CHAF1B: variants seen among roughly 807,000 people sequenced by gnomAD.
CHAF1B encodes chromatin assembly factor 1 subunit B.
Under a neutral mutation model 60.7 loss-of-function variants are expected in CHAF1B, and 10 were observed. The ratio of observed to expected loss-of-function variants is 0.16; its 90% CI spans 0.10 to 0.28. CHAF1B has a LOEUF of 0.28. Ranked by LOEUF, CHAF1B falls within the 10% of genes least tolerant of loss-of-function variation. The pLI is 1.00. For synonymous variants in CHAF1B, 261 were observed against 266.1 expected (o/e 0.98, Z 0.19); for missense variants, 558 against 708.4 (o/e 0.79, Z 2.41).
At chr21:36,392,038 G>A (rs918437082) in intron 4 of CHAF1B, among the ~76,000 whole-genome samples, 7 of 147,216 alleles carry the variant, frequency 4.8e-5, no homozygotes, top group African/African-American at 1.8e-4. Context: ...AAGTGAACAA[G>A]GGTCTCTGGT....
In CHAF1B at chr21:36,391,612, G is replaced by A; in HGVS notation, c.321G>A (p.Gln107=). Residue 107 remains glutamine (Q), a synonymous_variant, in exon 4 of 14, where the codon CAG becomes CAA. Coordinates refer to ENST00000314103, the MANE Select transcript of CHAF1B (RefSeq NM_005441.3). The part of the protein sequence containing the change: ...DNKEPEQIAF[Q]DEDEAQLNKE... ...AGGAGCCGGAGCAGATCGCTTTTCA[G>A]GATGAGGACGAGGCCCAGCTGAACA... 1 of 1,613,784 alleles carries A rather than the reference G, an allele frequency of 6.2e-7. No homozygotes were observed. The highest frequency in any genetic ancestry group is 8.5e-7 in the Non-Finnish European group (1 of 1,179,816).
At position 36,416,345 on chromosome 21, in the gene CHAF1B, C is replaced by T. The variant is rs754096788; in HGVS notation, c.1659C>T (p.Gly553=). The change falls in exon 14 of 14, where the codon GGC becomes GGT. Residue 553 remains glycine, a synonymous_variant. Transcript: ENST00000314103. The part of the protein sequence containing the change: ...KRPRLDENKG[G]TESLDP ...CCAGACTCGATGAAAACAAAGGAGGCACGGAAAGTCTGGACCCTTGATGGG... is the reference window on the plus strand; with the variant it reads ...CCAGACTCGATGAAAACAAAGGAGGTACGGAAAGTCTGGACCCTTGATGGG... 6.2e-7 allele frequency: 1 copy of T among 1,614,012 alleles called. No individual in the cohort carries two copies. The highest frequency in any genetic ancestry group is 2.2e-5 in the East Asian group (1 of 44,872).
Position 36,391,474 on chromosome 21 carries a change from AAAAAAAT to A in CHAF1B, c.260-76_260-70del, listed in dbSNP as rs1351895360. 154 of 997,074 alleles carry A rather than the reference AAAAAAAT, an allele frequency of 1.5e-4. 1 individual carries two copies. In the African/African-American group the frequency reaches 1.9e-3, roughly 13 times the overall value. 61.8% of individuals were successfully genotyped at this position (997,074 alleles called of 1,614,324 possible). ...GTGAGACTCCGTCTCAAAAAAAAAA[AAAAAAAT>A]GAAAATAAAAATCCTAATATGAAGG... On this transcript the variant is annotated intron_variant, in intron 3 of 13. Coordinates refer to ENST00000314103, the MANE Select transcript of CHAF1B (RefSeq NM_005441.3).
chr21:36,390,219 G>T (rs968033274), intron 3 of CHAF1B, among the ~76,000 whole-genome samples: 1 of 151,630 alleles, frequency 6.6e-6, no homozygotes. Flanking sequence ...TGTAGTCCCA[G>T]CTATTCGGGA....
chr21:36,392,759 C>T (rs1156387414), intron 4 of CHAF1B, among the ~76,000 whole-genome samples: 1 of 151,898 alleles, frequency 6.6e-6, no homozygotes, highest in Non-Finnish European at 1.5e-5. Flanking sequence ...CTCCCCACAT[C>T]TCAGACGATG....
intron 8 of CHAF1B, among the ~76,000 whole-genome samples, chr21:36,406,527 C>A (rs2086239423): frequency 6.6e-6 from 1 of 151,790 alleles, no homozygotes; most frequent in Admixed American, 6.6e-5. Flanking sequence ...CTCAGGTGAT[C>A]CACCCGCCTC....
chr21:36,415,843 C>G, intron 13 of CHAF1B: 1 of 367,530 alleles, frequency 2.7e-6, no homozygotes, highest in South Asian at 2.1e-5. Flanking sequence ...GCCTCCACCT[C>G]CCACGTTCAA....
intron 11 of CHAF1B, 136 bp downstream of exon 11, chr21:36,411,740 T>G: frequency 9.5e-7 from 1 of 1,055,500 alleles, no homozygotes; most frequent in Non-Finnish European, 1.4e-6. Flanking sequence ...TTCTTATTTA[T>G]TTTTTTGAGA....
rs139892744 is a variant in CHAF1B at position 36,407,359 on chromosome 21, G to A, written c.758-1402G>A. 2.0e-5 allele frequency among the ~76,000 whole-genome samples: 3 copies of A among 151,608 alleles called. No individual in the cohort carries two copies. In the East Asian group the frequency reaches 5.8e-4, roughly 29 times the overall value. ...GCTTATTGCAAGCATTGTTTATAGT[G>A]GTAAAAAACCAAAAGCCAAAAAAAT... On this transcript the variant is annotated intron_variant, in intron 8 of 13. Transcript: ENST00000314103.
At chr21:36,391,366 A>G (rs2086084757) in intron 3 of CHAF1B, among the ~76,000 whole-genome samples, 185 bp from the exon 4 acceptor site, 1 of 151,638 alleles carries the variant, frequency 6.6e-6, no homozygotes, top group African/African-American at 2.4e-5. Flanking sequence ...TTTTTAGTAG[A>G]GACAGTTAGC....
intron 4 of CHAF1B, 133 bp downstream of exon 4, chr21:36,391,801 T>C: frequency 1.8e-6 from 1 of 563,444 alleles, no homozygotes; most frequent in Non-Finnish European, 3.2e-6. Flanking sequence ...TGCTGTACTG[T>C]GATCACAGTA....
At chr21:36,404,103 T>G (rs1359542011) in intron 8 of CHAF1B, among the ~76,000 whole-genome samples, 1 of 151,070 alleles carries the variant, frequency 6.6e-6, no homozygotes, top group Non-Finnish European at 1.5e-5. Context: ...ATCCTTTTTT[T>G]TTTTTTTTTT....
rs1235805384 is a variant in CHAF1B at position 36,417,127 on chromosome 21, A to C, written c.*761A>C. 6.6e-6 allele frequency: 1 copy of C among 152,068 alleles called. No homozygotes were observed. Among genetic ancestry groups the C allele is most frequent in the Admixed American group, 6.6e-5 (1 of 15,248 alleles). 9.4% of individuals were successfully genotyped at this position (152,068 alleles called of 1,614,324 possible). ...TGCTCTGTTGCCCAGGCTGGAGTGC[A>C]GTGGCGCTATCTCAGCTCACTGCAG... On this transcript the variant is annotated 3_prime_UTR_variant, in exon 14 of 14. Coordinates refer to ENST00000314103, the MANE Select transcript of CHAF1B (RefSeq NM_005441.3).
Position 36,416,408 on chromosome 21 carries a change from G to A in CHAF1B, c.*42G>A. ...GCTCGAAGCCTACCAGGCTCCCGGT[G>A]TGTGCAGGGAGACGGTAAAGCTGGA... On this transcript the variant is annotated 3_prime_UTR_variant, in exon 14 of 14. Coordinates refer to ENST00000314103, the MANE Select transcript of CHAF1B (RefSeq NM_005441.3). 6.5e-7 allele frequency: 1 copy of A among 1,543,752 alleles called. No individual in the cohort carries two copies. Among genetic ancestry groups the A allele is most frequent in the Non-Finnish European group, 8.9e-7 (1 of 1,123,056 alleles).
intron 10 of CHAF1B, among the ~76,000 whole-genome samples, chr21:36,410,545 T>C (rs1166828321): frequency 6.6e-6 from 1 of 152,198 alleles, no homozygotes; most frequent in African/African-American, 2.4e-5. Context: ...CCCTTTCTTC[T>C]GCATGCTCTG....
chr21:36,411,374 A>G, intron 10 of CHAF1B, 89 bp from the exon 11 acceptor site: 1 of 1,535,050 alleles, frequency 6.5e-7, no homozygotes, highest in Non-Finnish European at 8.9e-7. Flanking sequence ...TCGGCCTCCC[A>G]AAGTGCTGGG....
chr21:36,409,115 A>G (rs1326618249), intron 9 of CHAF1B, among the ~76,000 whole-genome samples: 1 of 151,230 alleles, frequency 6.6e-6, no homozygotes, highest in African/African-American at 2.4e-5. Context: ...TCGGCCTCCC[A>G]AAGTGCTGGG....
At chr21:36,397,717 ATCTT>A in intron 6 of CHAF1B, 9 of 263,648 alleles carry the variant, frequency 3.4e-5, no homozygotes, top group East Asian at 6.5e-5. Flanking sequence ...TACTTAGTAA[ATCTT>A]TTTTTTTTTT....
chr21:36,397,501 A>G lies in CHAF1B; in HGVS notation c.568A>G (p.Ser190Gly). 1.3e-6 allele frequency: 2 copies of G among 1,518,210 alleles called. No individual in the cohort carries two copies. The highest frequency in any genetic ancestry group is 1.8e-6 in the Non-Finnish European group (2 of 1,116,800). The allele number at this position is 1,518,210 out of a possible 1,614,324, so 94.0% of individuals were successfully genotyped here. A position where few individuals can be genotyped will look rare whatever the true frequency, so the allele number is the denominator to read the frequency against. ...DPLGQYVATL[S>G]CDRVLRVYSI... ...TTTGGGTCAATATGTTGCTACTCTG[A>G]GCTGTGACAGGTAAATTCAGCTTTG... is the stretch of plus-strand genomic sequence containing the variant. Residue 190 changes from serine to glycine, a missense_variant, in exon 6 of 14, where the codon AGC becomes GGC. Around this residue, in one of 2 missense-constraint regions of CHAF1B, gnomAD observed 325 missense variants for 493.5 expected, o/e 0.66. Coordinates refer to ENST00000314103, the MANE Select transcript of CHAF1B (RefSeq NM_005441.3).
Sources: gnomAD v4.1 joint callset for allele counts (sites outside exome capture counted in the v4.1 genomes callset) on GRCh38, gnomAD v4.1.1 for gene constraint, gnomAD v4.1.1 regional missense constraint, MANE v1.5 for transcripts, NCBI Gene and HGNC (gene_info 2026-07-23, HGNC 2026-07-21) for gene names.